Variants in SEC31A observed in about 807,000 individuals in gnomAD.
SEC31A encodes SEC31 homolog A, COPII component.
In SEC31A, 70 loss-of-function variants were observed where a neutral mutation model predicts 151.0. The ratio of observed to expected loss-of-function variants is 0.46; its 90% CI spans 0.38 to 0.57. SEC31A has a LOEUF of 0.57. SEC31A is among the 20% of genes least tolerant of loss of function. The probability of loss-of-function intolerance (pLI) is 0.00; values close to 1 mark genes in which losing one functional copy is unlikely to be tolerated. For synonymous variants in SEC31A, 475 were observed against 505.9 expected, an observed-to-expected ratio of 0.94 and a Z score of 0.82; for missense variants, 1,330 against 1,471.2, an observed-to-expected ratio of 0.90 and a Z score of 1.57.
At chr4:82,896,380 G>A (rs1720058336) in intron 3 of SEC31A, among the ~76,000 whole-genome samples, 3 of 152,088 alleles carry the variant, frequency 2.0e-5, no homozygotes, top group Admixed American at 6.5e-5. Context: ...ACCATGCCCG[G>A]CTAATTTTTG....
intron 6 of SEC31A, among the ~76,000 whole-genome samples, chr4:82,874,155 G>A (rs544934637): frequency 1.7e-4 from 26 of 152,142 alleles, no homozygotes; most frequent in East Asian, 7.7e-4. Flanking sequence ...AAAATTAGCC[G>A]GGCTTGATGG....
At chr4:82,853,233 T>G (rs1293435807) in intron 18 of SEC31A, among the ~76,000 whole-genome samples, 1 of 152,156 alleles carries the variant, frequency 6.6e-6, no homozygotes, top group Non-Finnish European at 1.5e-5. Flanking sequence ...CCACATTGCT[T>G]CTTTCTTTGC....
intron 4 of SEC31A, among the ~76,000 whole-genome samples, chr4:82,877,002 C>T (rs1371141210): frequency 6.6e-6 from 1 of 152,194 alleles, no homozygotes; most frequent in Non-Finnish European, 1.5e-5. Context: ...CTTTGGGAGG[C>T]TGAGGCAGAC....
At position 82,866,941 on chromosome 4, in the gene SEC31A, T is replaced by C; in HGVS notation, c.1064A>G (p.Asn355Ser). 1.2e-6 allele frequency: 2 copies of C among 1,610,720 alleles called. No homozygotes were observed. The highest frequency in any genetic ancestry group is 1.7e-6 in the Non-Finnish European group (2 of 1,179,226). ...QVDKLSSSFG[N>S]LDPFGTGQPL... is the part of the protein sequence containing the mutation. Reference sequence around the variant, plus strand: ...CTGTCCTGTGCCAAAGGGATCAAGATTCCCAAAAGATGATGAAAGCTAAAA... The same window carrying C: ...CTGTCCTGTGCCAAAGGGATCAAGACTCCCAAAAGATGATGAAAGCTAAAA... The change falls in exon 10 of 27, where the codon AAT (asparagine) becomes AGT (serine). Residue 355 changes from asparagine (N) to serine (S), a missense_variant. By Grantham distance (46) the Asn-to-Ser change is conservative. Coordinates refer to ENST00000395310, the MANE Select transcript of SEC31A (RefSeq NM_001077207.4).
chr4:82,831,948 A>T (rs989655747), intron 22 of SEC31A, among the ~76,000 whole-genome samples: 1 of 152,248 alleles, frequency 6.6e-6, no homozygotes, highest in Non-Finnish European at 1.5e-5. Context: ...GCTCATGGAT[A>T]GGAAGAATCA....
intron 16 of SEC31A, among the ~76,000 whole-genome samples, chr4:82,855,786 T>C (rs569896487): frequency 1.4e-3 from 213 of 152,184 alleles, no homozygotes; most frequent in Non-Finnish European, 2.4e-3. Context: ...CTGGGGCCTA[T>C]TGGAGGGTGG....
At chr4:82,832,088 C>A (rs1374233546) in intron 22 of SEC31A, among the ~76,000 whole-genome samples, 4 of 152,104 alleles carry the variant, frequency 2.6e-5, no homozygotes, top group Admixed American at 6.6e-5. Context: ...AAAAAAGAGC[C>A]CACATAGCCA....
At chr4:82,840,633 G>C (rs1728507257) in intron 22 of SEC31A, among the ~76,000 whole-genome samples, 1 of 152,166 alleles carries the variant, frequency 6.6e-6, no homozygotes, top group Admixed American at 6.5e-5. Flanking sequence ...GAACATCACA[G>C]AGTGCACTTA....
intron 13 of SEC31A, 102 bp from the exon 14 acceptor site, chr4:82,861,810 C>G (rs958090965): frequency 1.6e-6 from 1 of 621,842 alleles, no homozygotes; most frequent in African/African-American, 1.9e-5. Context: ...ACATTCAGAG[C>G]TAGTTTAATC....
chr4:82,891,155 C>G (rs115826629), upstream of SEC31A: 3,464 of 1,535,702 alleles, frequency 2.3e-3, 65 homozygotes, highest in African/African-American at 0.043. Context: ...CCAGCATTCG[C>G]CGCCGCCCCT....
intron 2 of SEC31A, 125 bp downstream of exon 2, chr4:82,881,733 A>G (rs183119563): frequency 7.6e-5 from 54 of 707,688 alleles, no homozygotes; most frequent in Admixed American, 1.3e-4. Flanking sequence ...CTTGGCTGAT[A>G]GAATGTCAGT....
In SEC31A at chr4:82,882,632, A is replaced by T. The variant is rs1022316923; in HGVS notation, c.-4-692T>A. On this transcript the variant is annotated intron_variant, in intron 1 of 26. Transcript: ENST00000395310. ...GGGTAAGAGCAGCCAAAAAATAAAT[A>T]AGGTGCAACTTCCTGGAGTAGGATT... Among the ~76,000 whole-genome samples the T allele has an allele frequency of 2.6e-5, 4 of 152,274 alleles. No individual in the cohort carries two copies. In the East Asian group the frequency reaches 7.7e-4, roughly 29 times the overall value.
chr4:82,834,810 CT>C (rs1313555744), intron 22 of SEC31A, among the ~76,000 whole-genome samples: 1 of 151,934 alleles, frequency 6.6e-6, no homozygotes, highest in Non-Finnish European at 1.5e-5. Context: ...GATTTAGTGA[CT>C]TTTTTAAAAA....
At chr4:82,899,397 AT>A (rs1175838308) in intron 3 of SEC31A, 1 of 152,194 alleles carries the variant, frequency 6.6e-6, no homozygotes, top group African/African-American at 2.4e-5. Flanking sequence ...AAGGCAACTA[AT>A]TTTTTCCTTA....
At chr4:82,863,542 TG>T (rs1734634547) in intron 11 of SEC31A, 150 bp from the exon 12 acceptor site, 1 of 498,744 alleles carries the variant, frequency 2.0e-6, no homozygotes, top group African/African-American at 2.0e-5. Context: ...CAAAGAATAG[TG>T]GGTTTTTTTG....
chr4:82,872,617 C>A (rs1736982156), intron 6 of SEC31A, among the ~76,000 whole-genome samples: 1 of 152,220 alleles, frequency 6.6e-6, no homozygotes, highest in Admixed American at 6.5e-5. Flanking sequence ...ATTTGATACA[C>A]ACAAAACCAT....
intron 3 of SEC31A, chr4:82,880,566 G>T: frequency 3.0e-6 from 1 of 334,092 alleles, no homozygotes; most frequent in Non-Finnish European, 5.3e-6. Flanking sequence ...TCCAGCCTGA[G>T]CTATGAAGTA....
rs773832167 is a variant in SEC31A, at chr4:82,863,325, C to T, written c.1502G>A (p.Gly501Glu). The T allele has an allele frequency of 3.8e-6, 6 of 1,571,020 alleles. No homozygotes were observed. The highest frequency in any genetic ancestry group is 5.2e-6 in the Non-Finnish European group (6 of 1,157,592). ...ELLGYRKEDL[G>E]KKIALALNKV... ...ACTTTCCCAAAAGTTTACCTTCTTTCCTAGATCTTCTTTTCTGTATCCTAG... is the reference window on the plus strand; with the variant it reads ...ACTTTCCCAAAAGTTTACCTTCTTTTCTAGATCTTCTTTTCTGTATCCTAG... The change falls in exon 12 of 27, where the codon GGA becomes GAA. Residue 501 changes from glycine to glutamate, a missense_variant. Coordinates refer to ENST00000395310, the MANE Select transcript of SEC31A (RefSeq NM_001077207.4).
At chr4:82,867,016 T>C in intron 9 of SEC31A, 56 bp from the exon 10 acceptor site, 1 of 1,574,850 alleles carries the variant, frequency 6.3e-7, no homozygotes, top group Non-Finnish European at 8.6e-7. Context: ...TTCATTTTTT[T>C]CCAGTCATAT....
Sources: allele counts gnomAD v4.1 joint callset (sites outside exome capture counted in the v4.1 genomes callset), GRCh38; gene constraint gnomAD v4.1.1; transcripts MANE v1.5; gene names NCBI Gene and HGNC (gene_info 2026-07-23, HGNC 2026-07-21).